Variants in ITPR1 observed in about 807,000 individuals in gnomAD.
ITPR1 encodes the protein inositol 1,4,5-trisphosphate receptor type 1.
In ITPR1, 96 loss-of-function variants were observed where a neutral mutation model predicts 318.4. The ratio of observed to expected loss-of-function variants is 0.30; its 90% confidence interval spans 0.26 to 0.36. ITPR1 has a LOEUF of 0.36. Ranked by LOEUF, ITPR1 falls within the 10% of genes least tolerant of loss-of-function variation. The pLI is 1.00. For synonymous variants in ITPR1, 1,312 were observed against 1,289.9 expected, an observed-to-expected ratio of 1.02 and a Z score of -0.37; for missense variants, 2,440 against 3,460.2, an observed-to-expected ratio of 0.71 and a Z score of 7.40.
chr3:4,648,152 C>CAA (rs35484832), intron 10 of ITPR1, among the ~76,000 whole-genome samples: 3 of 141,270 alleles, frequency 2.1e-5, no homozygotes, highest in African/African-American at 7.8e-5. Context: ...AACTCTGTCT[C>CAA]AAAAAAAAAA....
chr3:4,654,754 T>C (rs1445925393), intron 12 of ITPR1, among the ~76,000 whole-genome samples: 2 of 152,138 alleles, frequency 1.3e-5, no homozygotes, highest in Non-Finnish European at 2.9e-5. Flanking sequence ...ATGAAGGGAA[T>C]TGGGTGAAGG....
chr3:4,701,167 G>A (rs571155188), intron 35 of ITPR1, among the ~76,000 whole-genome samples: 85 of 152,286 alleles, frequency 5.6e-4, no homozygotes, highest in Admixed American at 7.8e-4. Context: ...AGCAGATCAG[G>A]TGTTCCAGGA....
intron 4 of ITPR1, among the ~76,000 whole-genome samples, chr3:4,620,112 G>C (rs1386992848): frequency 6.6e-6 from 1 of 152,120 alleles, no homozygotes; most frequent in Non-Finnish European, 1.5e-5. Context: ...AGTGGACCCA[G>C]TTTGGGTCTT....
At chr3:4,635,345 C>CT (rs951493643) in intron 5 of ITPR1, among the ~76,000 whole-genome samples, 8 of 151,956 alleles carry the variant, frequency 5.3e-5, no homozygotes, top group Non-Finnish European at 1.0e-4. Context: ...CAATATCTTT[C>CT]TTTTTTTGTG....
chr3:4,825,612 T>C (rs2050021076), intron 60 of ITPR1: 1 of 411,090 alleles, frequency 2.4e-6, no homozygotes, highest in Non-Finnish European at 4.8e-6. Context: ...CTTGTGCTTA[T>C]CTGTATTTGA....
rs560813611 is a variant in ITPR1 at position 4,824,048 on chromosome 3, G to A, written c.8028+5806G>A. On this transcript the variant is annotated intron_variant, in intron 60 of 61. Transcript: ENST00000649015. Reference sequence around the variant, plus strand: ...AACACTGTCCATCTACATTTCAGAAGGTCCCGATACCTTGGTCTACTCTGG... The same window carrying A: ...AACACTGTCCATCTACATTTCAGAAAGTCCCGATACCTTGGTCTACTCTGG... Among the ~76,000 whole-genome samples the A allele has an allele frequency of 4.6e-5, 7 of 152,284 alleles. No individual in the cohort carries two copies. The South Asian group carries it at 6.2e-4, about 14-fold the overall frequency.
chr3:4,500,617 T>G (rs976342558), intron 2 of ITPR1, among the ~76,000 whole-genome samples: 4 of 152,190 alleles, frequency 2.6e-5, no homozygotes, highest in African/African-American at 9.7e-5. Flanking sequence ...ATTTCCTAGG[T>G]GAAAGTATTT....
intron 4 of ITPR1, among the ~76,000 whole-genome samples, chr3:4,550,347 G>A (rs2085439093): frequency 6.6e-6 from 1 of 152,182 alleles, no homozygotes; most frequent in Non-Finnish European, 1.5e-5. Flanking sequence ...CGCTGCCAGA[G>A]CGCTTGGTGA....
At chr3:4,541,561 G>C (rs2084442214) in intron 4 of ITPR1, among the ~76,000 whole-genome samples, 1 of 151,492 alleles carries the variant, frequency 6.6e-6, no homozygotes, top group Admixed American at 6.6e-5. Flanking sequence ...TATTTGTTAA[G>C]TTCCTAGATT....
intron 5 of ITPR1, 101 bp downstream of exon 5, chr3:4,627,979 C>G: frequency 1.5e-6 from 1 of 676,134 alleles, no homozygotes; most frequent in East Asian, 2.7e-5. Context: ...CCCTCCAATT[C>G]TAGCAGCCAG....
At chr3:4,629,628 G>A (rs1024030824) in intron 5 of ITPR1, among the ~76,000 whole-genome samples, 7 of 152,246 alleles carry the variant, frequency 4.6e-5, no homozygotes, top group African/African-American at 1.7e-4. Context: ...TGAGCAGTGT[G>A]CTAGGTGCTA....
intron 61 of ITPR1, among the ~76,000 whole-genome samples, chr3:4,843,890 A>G (rs1275814338): frequency 6.6e-6 from 1 of 152,206 alleles, no homozygotes; most frequent in East Asian, 1.9e-4. Context: ...CAAGTTGAAG[A>G]GAAAGACTAA....
At chr3:4,628,804 T>C (rs2092922994) in intron 5 of ITPR1, among the ~76,000 whole-genome samples, 1 of 152,234 alleles carries the variant, frequency 6.6e-6, no homozygotes, top group Non-Finnish European at 1.5e-5. Flanking sequence ...TTTCACGGAA[T>C]GCACAGTGAT....
At position 4,699,871 on chromosome 3, in the gene ITPR1, C is replaced by T; in HGVS notation, c.4466C>T (p.Thr1489Ile). The T allele has an allele frequency of 6.2e-7, 1 of 1,613,676 alleles. No individual in the cohort carries two copies. The highest frequency in any genetic ancestry group is 1.1e-5 in the South Asian group (1 of 91,078). Residue 1489 changes from threonine to isoleucine, a missense_variant, in exon 35 of 62, where the codon ACC (threonine) becomes ATC (isoleucine). Thr to Ile is a moderately conservative substitution (Grantham distance 89). Coordinates refer to ENST00000649015, the MANE Select transcript of ITPR1 (RefSeq NM_001378452.1). ...HADSILEKYV[T>I]EIVMSIVTTF... ...GACTCGATTTTGGAGAAGTATGTCACCGAAATCGTCATGAGTATTGTTACT... is the reference window on the plus strand; with the variant it reads ...GACTCGATTTTGGAGAAGTATGTCATCGAAATCGTCATGAGTATTGTTACT...
At chr3:4,532,724 A>C (rs2083522285) in intron 4 of ITPR1, among the ~76,000 whole-genome samples, 3 of 152,182 alleles carry the variant, frequency 2.0e-5, no homozygotes, top group African/African-American at 7.2e-5. Flanking sequence ...CTCGGGAGCC[A>C]CTGACTGTTA....
At chr3:4,500,616 GT>G (rs1186659459) in intron 2 of ITPR1, among the ~76,000 whole-genome samples, 1 of 152,160 alleles carries the variant, frequency 6.6e-6, no homozygotes, top group African/African-American at 2.4e-5. Context: ...AATTTCCTAG[GT>G]GAAAGTATTT....
At chr3:4,493,831 C>T (rs907064085) in intron 1 of ITPR1, among the ~76,000 whole-genome samples, 3 of 150,928 alleles carry the variant, frequency 2.0e-5, no homozygotes, top group African/African-American at 7.3e-5. Context: ...CCATTCTGGT[C>T]TGATGTGGCA....
chr3:4,609,894 A>G (rs1240334275), intron 4 of ITPR1, among the ~76,000 whole-genome samples: 4 of 152,206 alleles, frequency 2.6e-5, no homozygotes, highest in East Asian at 1.9e-4. Flanking sequence ...TCAGCCTGCC[A>G]TGTTGCCTTG....
At chr3:4,819,383 T>C (rs1185837580) in intron 60 of ITPR1, among the ~76,000 whole-genome samples, 1 of 152,224 alleles carries the variant, frequency 6.6e-6, no homozygotes, top group African/African-American at 2.4e-5. Flanking sequence ...ATGAATCACC[T>C]GTGGAGCATG....
Sources: allele counts gnomAD v4.1 joint callset (sites outside exome capture counted in the v4.1 genomes callset), GRCh38; gene constraint gnomAD v4.1.1; transcripts MANE v1.5; gene names NCBI Gene and HGNC (gene_info 2026-07-23, HGNC 2026-07-21).